ATP10B: variants seen among roughly 807,000 people sequenced by gnomAD.
The protein encoded by ATP10B is ATPase phospholipid transporting 10B (putative).
In ATP10B, 122 loss-of-function variants were observed where a neutral mutation model predicts 141.2. The ratio of observed to expected loss-of-function variants is 0.86; its 90% confidence interval spans 0.75 to 1.00. The LOEUF (loss-of-function observed/expected upper bound fraction) is 1.00, where lower values mean the gene tolerates loss of function less well. Among genes scored for constraint, ATP10B ranks in the 50% least tolerant of loss-of-function variants. ATP10B has a pLI of 0.00. For missense variants in ATP10B, 1,876 were observed against 1,825.3 expected (o/e 1.03, Z -0.51); for synonymous variants, 685 against 692.0 (o/e 0.99, Z 0.16).
At chr5:160,653,197 T>C (rs945498465) in intron 7 of ATP10B, among the ~76,000 whole-genome samples, 17 of 128,786 alleles carry the variant, frequency 1.3e-4, no homozygotes, top group South Asian at 2.3e-4. Flanking sequence ...ATATACAATA[T>C]ATTATATACT....
the ATP10B span, among the ~76,000 whole-genome samples, chr5:160,898,229 G>T: frequency 6.6e-6 from 1 of 152,052 alleles, no homozygotes; most frequent in African/African-American, 2.4e-5. Flanking sequence ...CAGAATGGGA[G>T]AAAATTTTTG....
chr5:160,731,449 T>A (rs1467647367), intron 2 of ATP10B, among the ~76,000 whole-genome samples: 2 of 152,210 alleles, frequency 1.3e-5, no homozygotes, highest in African/African-American at 4.8e-5. Flanking sequence ...ATTAAGACAG[T>A]CTTTCATGGG....
At chr5:160,816,232 A>G (rs1581588124) in intron 1 of ATP10B, among the ~76,000 whole-genome samples, 1 of 130,234 alleles carries the variant, frequency 7.7e-6, no homozygotes, top group East Asian at 2.5e-4. Context: ...TGAAAAGATC[A>G]ATAAAAATTG....
At position 160,753,830 on chromosome 5, in the gene ATP10B, A is replaced by G. The variant is rs577885161; in HGVS notation, c.-331+31729T>C. ...GGATGCTGTTATCCTTATTTTGTAG[A>G]CAAGAAAACTGAGGCACAGAGTGTT... is the stretch of plus-strand genomic sequence containing the variant. On this transcript the variant is annotated intron_variant, in intron 2 of 25. Transcript: ENST00000327245. Among the ~76,000 whole-genome samples, 32 of 152,306 alleles carry G rather than the reference A, an allele frequency of 2.1e-4. No individual in the cohort carries two copies. In the South Asian group the frequency reaches 6.4e-3, roughly 31 times the overall value.
At chr5:160,918,563 C>T in the ATP10B span, among the ~76,000 whole-genome samples, 2 of 152,298 alleles carry the variant, frequency 1.3e-5, no homozygotes, top group Admixed American at 1.3e-4. Context: ...CACATACCTG[C>T]ACACACACAT....
At chr5:160,917,535 A>C in the ATP10B span, among the ~76,000 whole-genome samples, 1 of 152,146 alleles carries the variant, frequency 6.6e-6, no homozygotes, top group Non-Finnish European at 1.5e-5. Flanking sequence ...CAATGGCAGA[A>C]AAACATTCAG....
intron 2 of ATP10B, among the ~76,000 whole-genome samples, chr5:160,719,242 T>C (rs1055260538): frequency 6.6e-6 from 1 of 151,886 alleles, no homozygotes; most frequent in African/African-American, 2.4e-5. Context: ...CTACTAAAAA[T>C]ACAAAAAATT....
intron 2 of ATP10B, 139 bp downstream of exon 2, chr5:160,785,420 G>A: frequency 6.0e-6 from 2 of 332,062 alleles, no homozygotes; most frequent in Non-Finnish European, 1.2e-5. Context: ...TAGCGGTGGT[G>A]TTTTTTTTGT....
intron 6 of ATP10B, among the ~76,000 whole-genome samples, chr5:160,674,392 C>T (rs900134838): frequency 6.6e-6 from 1 of 152,330 alleles, no homozygotes; most frequent in East Asian, 1.9e-4. Context: ...TGAGCTGTCA[C>T]TTCTGTGAGC....
At chr5:160,797,391 C>A (rs1019280135) in intron 1 of ATP10B, among the ~76,000 whole-genome samples, 2 of 152,338 alleles carry the variant, frequency 1.3e-5, no homozygotes, top group African/African-American at 2.4e-5. Flanking sequence ...CCCGAGACCA[C>A]TAGCTTTGCT....
intron 1 of ATP10B, among the ~76,000 whole-genome samples, chr5:160,812,050 GA>G (rs1773208746): frequency 1.3e-5 from 2 of 151,130 alleles, no homozygotes; most frequent in Admixed American, 6.6e-5. Flanking sequence ...GAGAGAGAGA[GA>G]GAGAGAGAGG....
intron 1 of ATP10B, among the ~76,000 whole-genome samples, chr5:160,819,177 G>C (rs1010874558): frequency 3.3e-5 from 5 of 151,910 alleles, no homozygotes; most frequent in African/African-American, 9.7e-5. Flanking sequence ...CTTAAAAGCA[G>C]CAAGATAAAA....
chr5:160,762,998 TC>T (rs968613268), intron 2 of ATP10B, among the ~76,000 whole-genome samples: 9 of 152,072 alleles, frequency 5.9e-5, no homozygotes, highest in Admixed American at 1.3e-4. Flanking sequence ...AAAGGATTAG[TC>T]CAACAGGAAA....
the ATP10B span, among the ~76,000 whole-genome samples, chr5:160,921,966 C>G: frequency 6.6e-6 from 1 of 152,226 alleles, no homozygotes; most frequent in Non-Finnish European, 1.5e-5. Flanking sequence ...GAATAAAGGC[C>G]TAGGCCTCTT....
intron 7 of ATP10B, among the ~76,000 whole-genome samples, chr5:160,667,874 G>A (rs1043914732): frequency 5.3e-5 from 8 of 152,096 alleles, no homozygotes; most frequent in African/African-American, 1.9e-4. Flanking sequence ...GAATGTTGGG[G>A]TAGGGAGGCT....
chr5:160,920,728 A>T, the ATP10B span, among the ~76,000 whole-genome samples: 1 of 152,204 alleles, frequency 6.6e-6, no homozygotes, highest in African/African-American at 2.4e-5. Context: ...AGTGCTTCTC[A>T]CACTTCAATG....
chr5:160,755,832 A>G (rs1373801942), intron 2 of ATP10B, among the ~76,000 whole-genome samples: 3 of 68,762 alleles, frequency 4.4e-5, no homozygotes, highest in Non-Finnish European at 7.4e-5. Flanking sequence ...AAAAAAAAAA[A>G]AAAAAAATAT....
intron 24 of ATP10B, among the ~76,000 whole-genome samples, chr5:160,586,347 G>T (rs1755897125): frequency 6.6e-6 from 1 of 152,120 alleles, no homozygotes; most frequent in Admixed American, 6.6e-5. Context: ...TATAGTGTGT[G>T]TGTGTACCAC....
chr5:160,698,868 C>T (rs1764522196), intron 3 of ATP10B, among the ~76,000 whole-genome samples: 2 of 152,108 alleles, frequency 1.3e-5, no homozygotes, highest in African/African-American at 4.8e-5. Flanking sequence ...GTTGAGTAGC[C>T]AGAGGCAGGC....
Sources: allele counts gnomAD v4.1 joint callset (sites outside exome capture counted in the v4.1 genomes callset), GRCh38; gene constraint gnomAD v4.1.1; transcripts MANE v1.5; gene names NCBI Gene and HGNC (gene_info 2026-07-23, HGNC 2026-07-21).